The following OTOGL variants were observed in gnomAD, a reference collection of about 807,000 sequenced individuals.
OTOGL encodes the protein otogelin like.
Under a neutral mutation model 318.5 loss-of-function variants are expected in OTOGL, and 285 were observed. The ratio of observed to expected loss-of-function variants is 0.89; its 90% CI spans 0.81 to 0.99. The LOEUF (loss-of-function observed/expected upper bound fraction) is 0.99, where lower values mean the gene tolerates loss of function less well. OTOGL is among the 50% of genes least tolerant of loss of function. OTOGL has a pLI of 0.00. For missense variants in OTOGL, 2,899 were observed against 2,845.6 expected (o/e 1.02, Z -0.43); for synonymous variants, 987 against 936.5 (o/e 1.05, Z -0.99).
chr12:80,214,118 G>A (rs1443541535), intron 4 of OTOGL, among the ~76,000 whole-genome samples: 1 of 152,218 alleles, frequency 6.6e-6, no homozygotes, highest in East Asian at 1.9e-4. Context: ...TATCAGTCAT[G>A]TGAATACATG....
Position 80,252,086 on chromosome 12 carries a change from T to C in OTOGL, c.1170T>C (p.Cys390=). The change falls in exon 13 of 59, where the codon TGT becomes TGC. Residue 390 remains cysteine (C), a synonymous_variant. Transcript: ENST00000547103. ...GTTTGTCTGTTTTAGCTGATAAATG[T>C]GATGATAGCTTTGTCCATCGGGACT... ...RDDFPACTDK[C]DDSFVHRDCI... is the part of the protein sequence containing the mutation. 6.5e-7 allele frequency: 1 copy of C among 1,545,828 alleles called. No homozygotes were observed.
chr12:80,259,233 T>C (rs1882320299), intron 18 of OTOGL, among the ~76,000 whole-genome samples: 1 of 151,288 alleles, frequency 6.6e-6, no homozygotes, highest in South Asian at 2.1e-4. Context: ...AATTAAGTGT[T>C]GGGCTTTGTG....
At chr12:80,356,195 A>G (rs1439623981) in intron 47 of OTOGL, among the ~76,000 whole-genome samples, 1 of 152,204 alleles carries the variant, frequency 6.6e-6, no homozygotes, top group African/African-American at 2.4e-5. Flanking sequence ...TGTATGAATC[A>G]AGGGTGAAAG....
intron 26 of OTOGL, among the ~76,000 whole-genome samples, chr12:80,285,655 A>T (rs1396879925): frequency 6.6e-6 from 1 of 152,086 alleles, no homozygotes; most frequent in African/African-American, 2.4e-5. Context: ...ATGGGAGTCC[A>T]CTCATAATTT....
At chr12:80,173,551 T>C (rs1874345211) in intron 1 of OTOGL, among the ~76,000 whole-genome samples, 1 of 152,200 alleles carries the variant, frequency 6.6e-6, no homozygotes, top group Admixed American at 6.5e-5. Flanking sequence ...TGGTAGGTTT[T>C]GGCCAGGTTC....
At chr12:80,110,281 A>G (rs1869759084) in intron 1 of OTOGL, among the ~76,000 whole-genome samples, 1 of 151,986 alleles carries the variant, frequency 6.6e-6, no homozygotes, top group Non-Finnish European at 1.5e-5. Context: ...GTTAGCCAGG[A>G]TGGTCTCGAT....
chr12:80,181,611 C>T (rs1874924883), intron 1 of OTOGL, among the ~76,000 whole-genome samples: 1 of 151,874 alleles, frequency 6.6e-6, no homozygotes. Context: ...GTGTTTTCTA[C>T]ATAACCCTGA....
In OTOGL at chr12:80,353,447, T is replaced by C. The variant is rs1490168600; in HGVS notation, c.5530T>C (p.Cys1844Arg). The C allele has an allele frequency of 6.2e-7, 1 of 1,604,410 alleles. No individual in the cohort carries two copies. Among genetic ancestry groups the C allele is most frequent in the South Asian group, 1.1e-5 (1 of 88,906 alleles). The stretch of plus-strand genomic sequence containing the variant: ...TTTGAATCTAAGAGAAGACTGTGTG[T>C]GCAAAGTTGGAACTATTCTTCACAG... ...SCLNLREDCV[C>R]KVGTILHRPH... The change falls in exon 46 of 59, where the codon TGC becomes CGC. Residue 1844 changes from cysteine to arginine, a missense_variant. Transcript: ENST00000547103.
chr12:80,358,238 T>C lies in OTOGL; in HGVS notation c.6020-10T>C. On this transcript the variant is annotated splice_polypyrimidine_tract_variant and intron_variant, in intron 49 of 58. Transcript: ENST00000547103. ...TCAGCTGTGATTTTTGGCTTCTTGT[T>C]TTACCTTAGTTTGTGAATCTTGCAC... 6.3e-7 allele frequency: 1 copy of C among 1,595,306 alleles called. No individual in the cohort carries two copies. Among genetic ancestry groups the C allele is most frequent in the Non-Finnish European group, 8.6e-7 (1 of 1,165,060 alleles).
In OTOGL at chr12:80,333,049, C is replaced by A. The variant is rs1888176644; in HGVS notation, c.4393C>A (p.Leu1465Ile). ...ATCAGACATCACTGTGTTTGATATG[C>A]TAACACCAACTACAGGCTTGGAATG... ...TPSDITVFDM[L>I]TPTTGLECEP... The change falls in exon 38 of 59, where the codon CTA becomes ATA. Residue 1465 changes from leucine to isoleucine, a missense_variant. Physicochemically the swap from Leu to Ile is conservative, Grantham distance 5. This residue lies in a region of OTOGL where 2,607 missense variants were observed against 2,524.9 expected (regional missense o/e 1.03). Coordinates refer to ENST00000547103, the MANE Select transcript of OTOGL (RefSeq NM_001378609.3). 2 of 1,601,942 alleles carry A rather than the reference C, an allele frequency of 1.2e-6. No individual in the cohort carries two copies. Among genetic ancestry groups the A allele is most frequent in the Non-Finnish European group, 8.5e-7 (1 of 1,173,322 alleles).
intron 29 of OTOGL, among the ~76,000 whole-genome samples, chr12:80,310,142 C>G (rs1650095248): frequency 6.6e-6 from 1 of 152,034 alleles, no homozygotes; most frequent in South Asian, 2.1e-4. Context: ...TTATATTTAA[C>G]AATGAAGAGG....
chr12:80,144,814 G>A (rs1189095018), intron 1 of OTOGL, among the ~76,000 whole-genome samples: 1 of 152,144 alleles, frequency 6.6e-6, no homozygotes. Context: ...CAGTGATGAT[G>A]AGCATTTTTT....
chr12:80,323,341 G>C (rs1308677617), intron 34 of OTOGL, among the ~76,000 whole-genome samples: 1 of 152,062 alleles, frequency 6.6e-6, no homozygotes, highest in Non-Finnish European at 1.5e-5. Context: ...CCCTAGGAGG[G>C]TTCATATAAG....
intron 1 of OTOGL, among the ~76,000 whole-genome samples, chr12:80,146,618 G>C (rs887711391): frequency 2.0e-5 from 3 of 151,914 alleles, no homozygotes; most frequent in Non-Finnish European, 4.4e-5. Context: ...GATTGGAATA[G>C]TTTCAGAAGG....
chr12:80,310,312 A>G (rs1323357104), intron 29 of OTOGL, among the ~76,000 whole-genome samples: 1 of 152,172 alleles, frequency 6.6e-6, no homozygotes, highest in African/African-American at 2.4e-5. Flanking sequence ...TGAAAGAAAC[A>G]GGTCATGCTC....
At chr12:80,157,987 G>A (rs79289849) in intron 1 of OTOGL, among the ~76,000 whole-genome samples, 13,609 of 151,872 alleles carry the variant, frequency 0.09, 673 homozygotes, top group Non-Finnish European at 0.11. Flanking sequence ...TCTAGTACCT[G>A]GTTAGTAATA....
chr12:80,307,274 C>G (rs1047996801), intron 29 of OTOGL, among the ~76,000 whole-genome samples: 3 of 151,608 alleles, frequency 2.0e-5, no homozygotes, highest in African/African-American at 7.3e-5. Flanking sequence ...CCTTTCTATT[C>G]TACAAAACCG....
chr12:80,297,161 C>T (rs953169973), intron 27 of OTOGL, among the ~76,000 whole-genome samples, 200 bp downstream of exon 27: 7 of 152,050 alleles, frequency 4.6e-5, no homozygotes, highest in Admixed American at 1.3e-4. Context: ...TCTTCCAATT[C>T]GCTCCTCTTG....
At chr12:80,126,018 G>GT (rs1303509801) in intron 1 of OTOGL, among the ~76,000 whole-genome samples, 1 of 152,026 alleles carries the variant, frequency 6.6e-6, no homozygotes, top group African/African-American at 2.4e-5. Flanking sequence ...TTTTTGAAGG[G>GT]TTTTTTGTGT....
Sources: allele counts gnomAD v4.1 joint callset (sites outside exome capture counted in the v4.1 genomes callset), GRCh38; gene constraint gnomAD v4.1.1; regional missense constraint gnomAD v4.1.1; transcripts MANE v1.5; gene names NCBI Gene and HGNC (gene_info 2026-07-23, HGNC 2026-07-21).